The following CNTN5 variants were observed in gnomAD, a reference collection of about 807,000 sequenced individuals.
The protein encoded by CNTN5 is contactin 5.
In CNTN5, 77 loss-of-function variants were observed where a neutral mutation model predicts 129.1. That is an observed-to-expected ratio of 0.60 (90% CI 0.50 to 0.72). The LOEUF is 0.72. Ranked by LOEUF, CNTN5 falls within the 30% of genes least tolerant of loss-of-function variation. The pLI is 0.00. For synonymous variants in CNTN5, 509 were observed against 465.6 expected (o/e 1.09, Z -1.20); for missense variants, 1,478 against 1,328.8 (o/e 1.11, Z -1.75).
intron 10 of CNTN5, among the ~76,000 whole-genome samples, chr11:100,063,723 A>AAAAAAAAAAAAAAATAC (rs1565206213): frequency 5.3e-5 from 8 of 151,366 alleles, no homozygotes; most frequent in Non-Finnish European, 1.2e-4. Context: ...AAAAAAAAAA[A>AAAAAAAAAAAAAAATAC]AAAAATACAA....
chr11:99,661,091 AGT>A (rs1463647432), intron 3 of CNTN5, among the ~76,000 whole-genome samples: 1 of 152,118 alleles, frequency 6.6e-6, no homozygotes, highest in African/African-American at 2.4e-5. Context: ...AAACCATTTA[AGT>A]GTCTTAGATT....
chr11:100,271,259 T>A lies in CNTN5; in HGVS notation c.2314+18T>A. On this transcript the variant is annotated intron_variant, in intron 18 of 24. Coordinates refer to ENST00000524871, the MANE Select transcript of CNTN5 (RefSeq NM_014361.4). ...TGAAGCAGGTAAAAATTTGGAAGAG[T>A]CAGATTGGATTTGGTATGCTTCTAA... The A allele has an allele frequency of 6.3e-7, 1 of 1,581,490 alleles. No individual in the cohort carries two copies. Among genetic ancestry groups the A allele is most frequent in the Non-Finnish European group, 8.6e-7 (1 of 1,165,044 alleles).
At chr11:99,143,203 T>C (rs1859609858) in intron 1 of CNTN5, among the ~76,000 whole-genome samples, 1 of 151,718 alleles carries the variant, frequency 6.6e-6, no homozygotes, top group African/African-American at 2.4e-5. Context: ...AACAGAGCTA[T>C]ACAGCTGTAA....
intron 13 of CNTN5, among the ~76,000 whole-genome samples, chr11:100,110,641 G>A (rs1945625464): frequency 6.6e-6 from 1 of 152,130 alleles, no homozygotes; most frequent in Non-Finnish European, 1.5e-5. Flanking sequence ...AACTATAATT[G>A]TCTATAGTTA....
chr11:100,247,037 C>A (rs1391880406), intron 16 of CNTN5, among the ~76,000 whole-genome samples: 1 of 152,170 alleles, frequency 6.6e-6, no homozygotes, highest in Middle Eastern at 3.2e-3. Context: ...ACTGTGATTT[C>A]AACTACTGTA....
At chr11:100,277,184 G>T (rs968663545) in intron 18 of CNTN5, among the ~76,000 whole-genome samples, 2 of 152,074 alleles carry the variant, frequency 1.3e-5, no homozygotes, top group Admixed American at 1.3e-4. Context: ...ATAATACTAC[G>T]TTGTGTACAA....
At chr11:99,697,211 G>T (rs749246779) in intron 3 of CNTN5, among the ~76,000 whole-genome samples, 1 of 151,920 alleles carries the variant, frequency 6.6e-6, no homozygotes, top group East Asian at 1.9e-4. Context: ...GCTGTTCAAC[G>T]CTTAAAGAAA....
At chr11:100,022,930 T>C (rs1941235051) in intron 9 of CNTN5, among the ~76,000 whole-genome samples, 1 of 152,184 alleles carries the variant, frequency 6.6e-6, no homozygotes, top group African/African-American at 2.4e-5. Context: ...TGGTTTTTTT[T>C]CTCTGACTGC....
intron 3 of CNTN5, among the ~76,000 whole-genome samples, chr11:99,744,545 A>T (rs1342564837): frequency 4.5e-4 from 19 of 42,148 alleles, no homozygotes; most frequent in South Asian, 2.0e-3. Context: ...CAAAAAGTTA[A>T]AAAAAAAAAA....
intron 1 of CNTN5, among the ~76,000 whole-genome samples, chr11:99,181,177 A>T (rs2135564910): frequency 6.6e-6 from 1 of 152,236 alleles, no homozygotes; most frequent in South Asian, 2.1e-4. Context: ...GGGGACTATT[A>T]TCCTGGATGT....
chr11:99,837,932 G>A lies in CNTN5; in HGVS notation c.278-6920G>A, dbSNP rs188447245. Among the ~76,000 whole-genome samples the A allele has an allele frequency of 2.1e-3, 315 of 152,026 alleles. 3 individuals are homozygous for A. The highest frequency in any genetic ancestry group is 7.3e-3 in the African/African-American group (305 of 41,504). The stretch of plus-strand genomic sequence containing the variant: ...TCATTTTTCATAATATTTTATTAGA[G>A]GGACTTAGGGTATCCTTAGTAGAAA... On this transcript the variant is annotated intron_variant, in intron 4 of 24. Coordinates refer to ENST00000524871, the MANE Select transcript of CNTN5 (RefSeq NM_014361.4).
chr11:99,533,167 G>T (rs11220331), intron 2 of CNTN5, among the ~76,000 whole-genome samples: 1 of 152,154 alleles, frequency 6.6e-6, no homozygotes, highest in African/African-American at 2.4e-5. Flanking sequence ...AGGTTGCAGT[G>T]AGCCAAGATT....
chr11:99,046,830 C>G (rs1049314910), intron 1 of CNTN5, among the ~76,000 whole-genome samples: 1 of 151,970 alleles, frequency 6.6e-6, no homozygotes, highest in South Asian at 2.1e-4. Context: ...ATATAACTTG[C>G]CCATTGCTAT....
rs78733897 is a variant in CNTN5, at chr11:99,763,857, GA to G, written c.56-55680del. On this transcript the variant is annotated intron_variant, in intron 3 of 24. Coordinates refer to ENST00000524871, the MANE Select transcript of CNTN5 (RefSeq NM_014361.4). ...CTCAAGCATAACCATATATTAAATT[GA>G]AAAAAATTCTATGGGCAAAATAGAA... is the stretch of plus-strand genomic sequence containing the variant. 0.011 allele frequency among the ~76,000 whole-genome samples: 1,692 copies of G among 151,900 alleles called. 67 individuals carry two copies. The East Asian group carries it at 0.13, about 12-fold the overall frequency.
At chr11:99,225,397 T>C (rs1426183664) in intron 1 of CNTN5, among the ~76,000 whole-genome samples, 2 of 152,290 alleles carry the variant, frequency 1.3e-5, no homozygotes, top group Non-Finnish European at 2.9e-5. Context: ...TGTTTCCTTA[T>C]TGGCCTTTTT....
chr11:99,138,565 G>A (rs1053660901), intron 1 of CNTN5, among the ~76,000 whole-genome samples: 4 of 152,108 alleles, frequency 2.6e-5, no homozygotes. Context: ...TTAAAGAAAT[G>A]GTTGCATCAG....
chr11:100,013,751 C>T (rs1446121754), intron 9 of CNTN5, among the ~76,000 whole-genome samples: 1 of 152,174 alleles, frequency 6.6e-6, no homozygotes, highest in African/African-American at 2.4e-5. Context: ...TAACAGTTAT[C>T]TCTTCTAATG....
intron 2 of CNTN5, among the ~76,000 whole-genome samples, chr11:99,458,836 G>A (rs1381243869): frequency 2.0e-5 from 3 of 152,022 alleles, no homozygotes; most frequent in Non-Finnish European, 4.4e-5. Flanking sequence ...TCTCAAGACA[G>A]CAGTGATTGC....
At chr11:100,304,426 G>A (rs1951299111) in intron 20 of CNTN5, among the ~76,000 whole-genome samples, 1 of 151,616 alleles carries the variant, frequency 6.6e-6, no homozygotes, top group Non-Finnish European at 1.5e-5. Flanking sequence ...TTTTAGAGAT[G>A]CCTGAATGTG....
Sources: gnomAD v4.1 joint callset for allele counts (sites outside exome capture counted in the v4.1 genomes callset) on GRCh38, gnomAD v4.1.1 for gene constraint, MANE v1.5 for transcripts, NCBI Gene and HGNC (gene_info 2026-07-23, HGNC 2026-07-21) for gene names.